RANBP2: variants seen among roughly 807,000 people sequenced by gnomAD.
The protein encoded by RANBP2 is E3 SUMO-protein ligase RanBP2.
RANBP2 carries 57 observed loss-of-function variants against 303.6 expected under a neutral mutation model. That is an observed-to-expected ratio of 0.19 (90% confidence interval 0.15 to 0.23). RANBP2 has a LOEUF of 0.23. RANBP2 is among the 10% of genes least tolerant of loss of function. RANBP2 has a pLI of 1.00. For missense variants in RANBP2, 3,138 were observed against 3,780.8 expected, an observed-to-expected ratio of 0.83 and a Z score of 4.46; for synonymous variants, 1,167 against 1,301.5, an observed-to-expected ratio of 0.90 and a Z score of 2.23.
the RANBP2 span, among the ~76,000 whole-genome samples, chr2:109,743,088 T>C: frequency 1.5e-4 from 22 of 147,556 alleles, 3 homozygotes; most frequent in Admixed American, 1.5e-3. Context: ...CTGTGCAACA[T>C]AGAGAGACCC....
the RANBP2 span, among the ~76,000 whole-genome samples, chr2:108,998,203 A>G: frequency 5.9e-5 from 9 of 152,134 alleles, no homozygotes; most frequent in African/African-American, 1.7e-4. Flanking sequence ...CAACAAGACC[A>G]TGATCTCTTC....
the RANBP2 span, among the ~76,000 whole-genome samples, chr2:109,136,800 G>A: frequency 6.6e-6 from 1 of 152,192 alleles, no homozygotes; most frequent in African/African-American, 2.4e-5. Flanking sequence ...ACAGGAATTC[G>A]GATCAGGAGG....
the RANBP2 span, among the ~76,000 whole-genome samples, chr2:109,065,592 C>T: frequency 3.3e-5 from 5 of 152,198 alleles, no homozygotes; most frequent in Non-Finnish European, 2.9e-5. Flanking sequence ...ACTGGTGGCA[C>T]TCAGCCTGGA....
the RANBP2 span, among the ~76,000 whole-genome samples, chr2:108,797,983 A>C: frequency 1.0e-4 from 15 of 145,666 alleles, no homozygotes; most frequent in Non-Finnish European, 1.9e-4. Context: ...TTTTTTCTCC[A>C]GTGGTACTTA....
chr2:109,323,832 CT>C, the RANBP2 span, among the ~76,000 whole-genome samples: 1 of 152,164 alleles, frequency 6.6e-6, no homozygotes, highest in Non-Finnish European at 1.5e-5. Context: ...AATCTTTTAG[CT>C]TTTCTTATGT....
chr2:109,181,142 G>A, the RANBP2 span, among the ~76,000 whole-genome samples: 12 of 152,138 alleles, frequency 7.9e-5, no homozygotes, highest in Admixed American at 7.9e-4. Flanking sequence ...CTTCCAGCTC[G>A]TCTGTGTTTG....
the RANBP2 span, among the ~76,000 whole-genome samples, chr2:109,575,895 T>C: frequency 2.6e-5 from 4 of 152,330 alleles, 1 homozygote; most frequent in East Asian, 7.7e-4. Flanking sequence ...ATACACATTG[T>C]TCTCCCTATG....
At chr2:109,319,415 C>G in the RANBP2 span, among the ~76,000 whole-genome samples, 857 of 152,336 alleles carry the variant, frequency 5.6e-3, 9 homozygotes, top group African/African-American at 0.02. Flanking sequence ...CCCAGGCATC[C>G]TTTTCAGCCT....
At chr2:108,795,677 G>A in the RANBP2 span, among the ~76,000 whole-genome samples, 1 of 152,320 alleles carries the variant, frequency 6.6e-6, no homozygotes, top group South Asian at 2.1e-4. Context: ...ACCAGGAAAA[G>A]TTTAGGGAGA....
the RANBP2 span, among the ~76,000 whole-genome samples, chr2:109,137,000 G>C: frequency 7.2e-5 from 11 of 152,312 alleles, no homozygotes; most frequent in Admixed American, 1.3e-4. Flanking sequence ...TTAAGTACCT[G>C]CTGTGTACCA....
chr2:109,006,115 G>C, the RANBP2 span, among the ~76,000 whole-genome samples: 6 of 152,204 alleles, frequency 3.9e-5, no homozygotes, highest in African/African-American at 1.2e-4. Context: ...GGTTGCGGGG[G>C]AACAATGTGA....
At chr2:108,760,650 T>A (rs1425873397) in intron 18 of RANBP2, among the ~76,000 whole-genome samples, 2 of 152,206 alleles carry the variant, frequency 1.3e-5, no homozygotes, top group African/African-American at 4.8e-5. Flanking sequence ...TAAGTTTTTT[T>A]AATACTAGTC....
the RANBP2 span, chr2:108,929,329 C>T: frequency 7.4e-6 from 12 of 1,614,008 alleles, no homozygotes; most frequent in African/African-American, 4.0e-5. Flanking sequence ...ACTTCTCCGC[C>T]GGGCAGGGGA....
At chr2:109,705,203 TAGACCAGC>T in the RANBP2 span, among the ~76,000 whole-genome samples, 1 of 152,048 alleles carries the variant, frequency 6.6e-6, no homozygotes, top group Non-Finnish European at 1.5e-5. Flanking sequence ...TCGGGAGTTC[TAGACCAGC>T]CTGACCAATA....
the RANBP2 span, among the ~76,000 whole-genome samples, chr2:109,609,386 G>GA: frequency 2.0e-5 from 3 of 151,914 alleles, no homozygotes; most frequent in Non-Finnish European, 1.5e-5. Context: ...AATTAAGGAC[G>GA]AAAAAAATGC....
the RANBP2 span, among the ~76,000 whole-genome samples, chr2:109,706,184 G>C: frequency 6.6e-6 from 1 of 152,210 alleles, no homozygotes; most frequent in Non-Finnish European, 1.5e-5. Context: ...TCTATTCTCA[G>C]AGCAGCAGAC....
chr2:108,773,140 A>C (rs576792496), intron 23 of RANBP2, 94 bp downstream of exon 23: 442 of 1,345,928 alleles, frequency 3.3e-4, no homozygotes, highest in Non-Finnish European at 4.4e-4. Context: ...TTTTTGAGAC[A>C]GAATTTTACT....
At chr2:109,574,077 T>C in the RANBP2 span, among the ~76,000 whole-genome samples, 1 of 152,152 alleles carries the variant, frequency 6.6e-6, no homozygotes, top group Non-Finnish European at 1.5e-5. Context: ...ATATTCCTTC[T>C]TTGCATCTCA....
the RANBP2 span, among the ~76,000 whole-genome samples, chr2:108,831,619 T>A: frequency 6.6e-6 from 1 of 152,128 alleles, no homozygotes; most frequent in Non-Finnish European, 1.5e-5. Flanking sequence ...CACATCAGAA[T>A]CTCTTGCAGG....
Sources: gnomAD v4.1 joint callset for allele counts (sites outside exome capture counted in the v4.1 genomes callset) on GRCh38, gnomAD v4.1.1 for gene constraint, MANE v1.5 for transcripts, NCBI Gene and HGNC (gene_info 2026-07-23, HGNC 2026-07-21) for gene names.